Variants in AOX1 observed in about 807,000 individuals in gnomAD.
AOX1 encodes aldehyde oxidase.
In AOX1, 153 loss-of-function variants were observed where a neutral mutation model predicts 169.5. The ratio of observed to expected loss-of-function variants is 0.90; its 90% CI spans 0.79 to 1.03. The LOEUF (loss-of-function observed/expected upper bound fraction) is 1.03, where lower values mean the gene tolerates loss of function less well. AOX1 is among the 50% of genes least tolerant of loss of function. The pLI is 0.00. For synonymous variants in AOX1, 562 were observed against 581.9 expected (o/e 0.97, Z 0.49); for missense variants, 1,656 against 1,663.9 (o/e 1.00, Z 0.08).
Position 200,670,927 on chromosome 2 carries a change from C to A in AOX1, c.*248C>A. The A allele has an allele frequency of 2.5e-6, 1 of 405,788 alleles. No homozygotes were observed. Among genetic ancestry groups the A allele is most frequent in the South Asian group, 7.5e-5 (1 of 13,350 alleles). 25.1% of individuals were successfully genotyped at this position (405,788 alleles called of 1,614,324 possible). A position where few individuals can be genotyped will look rare whatever the true frequency, so the allele number is the denominator to read the frequency against. On this transcript the variant is annotated 3_prime_UTR_variant, in exon 35 of 35. Transcript: ENST00000374700. ...TGGTTTCCTCTAGGGTGATATCCGT[C>A]ATTACTCTGTCTCTTCAATCCATCC...
At chr2:200,682,196 C>T in the AOX1 span, among the ~76,000 whole-genome samples, 1 of 152,130 alleles carries the variant, frequency 6.6e-6, no homozygotes, top group Non-Finnish European at 1.5e-5. Flanking sequence ...ATCTGATAAA[C>T]ACTGCCTGCT....
intron 31 of AOX1, among the ~76,000 whole-genome samples, chr2:200,666,375 T>C (rs2035924605): frequency 6.6e-6 from 1 of 152,230 alleles, no homozygotes; most frequent in East Asian, 1.9e-4. Context: ...TCATATGTTA[T>C]ATCTGTTGTA....
Position 200,670,899 on chromosome 2 carries a change from A to G in AOX1, c.*220A>G, listed in dbSNP as rs1028603950. ...AATCATTTTCAATGTTATAAACACT[A>G]ATTGGTTTCCTCTAGGGTGATATCC... On this transcript the variant is annotated 3_prime_UTR_variant, in exon 35 of 35. Coordinates refer to ENST00000374700, the MANE Select transcript of AOX1 (RefSeq NM_001159.4). 5 of 484,268 alleles carry G rather than the reference A, an allele frequency of 1.0e-5. No homozygotes were observed. The highest frequency in any genetic ancestry group is 1.8e-5 in the Non-Finnish European group (5 of 272,614). 30.0% of individuals were successfully genotyped at this position (484,268 alleles called of 1,614,324 possible).
In AOX1 at chr2:200,660,873, T is replaced by C. The variant is rs139822007; in HGVS notation, c.3376-706T>C. 5.0e-3 allele frequency among the ~76,000 whole-genome samples: 761 copies of C among 152,276 alleles called. 5 individuals are homozygous for C. The highest frequency in any genetic ancestry group is 0.017 in the African/African-American group (718 of 41,548). ...TGGGCATATTTGTTTCTGTCCTCTG[T>C]CCCATGCTGCCTGAGCCCAGAAAGC... On this transcript the variant is annotated intron_variant, in intron 29 of 34. Coordinates refer to ENST00000374700, the MANE Select transcript of AOX1 (RefSeq NM_001159.4).
rs779245099 is a variant in AOX1 at position 200,612,814 on chromosome 2, G to A, written c.1448+21G>A. On this transcript the variant is annotated intron_variant, in intron 14 of 34. Transcript: ENST00000374700. ...GGAAGGTAAGGCATTAGAAGTAAGG[G>A]CTCCTCTAATACTTGTCCTTAGACT... 3.7e-6 allele frequency: 6 copies of A among 1,606,346 alleles called. No homozygotes were observed. In the East Asian group the frequency reaches 8.9e-5, roughly 24 times the overall value.
chr2:200,613,482 T>G (rs1372881603), intron 14 of AOX1, among the ~76,000 whole-genome samples: 3 of 152,232 alleles, frequency 2.0e-5, no homozygotes, highest in African/African-American at 7.2e-5. Context: ...TGGCATGCAA[T>G]AAATGTCCTA....
rs1273029800 is a variant in AOX1, at chr2:200,662,855, A to G, written c.3429A>G (p.Arg1143=). 1.2e-6 allele frequency: 2 copies of G among 1,612,888 alleles called. No homozygotes were observed. Among genetic ancestry groups the G allele is most frequent in the Non-Finnish European group, 1.7e-6 (2 of 1,179,054 alleles). Reference sequence around the variant, plus strand: ...TAACAACACTCACTGTTTCTTCCAGAGGTTATGAGTCAGACATGAACTGGG... The same window carrying G: ...TAACAACACTCACTGTTTCTTCCAGGGGTTATGAGTCAGACATGAACTGGG... ...SINLSAVGYF[R]GYESDMNWEK... Residue 1143 remains arginine, a splice_region_variant and synonymous_variant, in exon 31 of 35, where the codon AGA becomes AGG. Coordinates refer to ENST00000374700, the MANE Select transcript of AOX1 (RefSeq NM_001159.4).
At chr2:200,636,700 T>C (rs1322525717) in intron 21 of AOX1, among the ~76,000 whole-genome samples, 1 of 152,218 alleles carries the variant, frequency 6.6e-6, no homozygotes, top group African/African-American at 2.4e-5. Flanking sequence ...GGGCCAGGGT[T>C]GTTGGACATT....
chr2:200,620,731 G>C lies in AOX1; in HGVS notation c.1786G>C (p.Glu596Gln). ...GTCTGGTGTGAAGCATGCCACGGGG[G>C]AGGCCATCTACTGTGATGACATGCC... ...HLSGVKHATGEAIYCDDMPLV... is the reference protein window; with the variant it reads ...HLSGVKHATGQAIYCDDMPLV... The change falls in exon 17 of 35, where the codon GAG (glutamate) becomes CAG (glutamine). Residue 596 changes from glutamate to glutamine, a missense_variant. Physicochemically the swap from Glu to Gln is conservative, Grantham distance 29. Transcript: ENST00000374700. The C allele has an allele frequency of 6.2e-7, 1 of 1,606,176 alleles. No homozygotes were observed. Among genetic ancestry groups the C allele is most frequent in the South Asian group, 1.1e-5 (1 of 88,596 alleles).
intron 9 of AOX1, 53 bp downstream of exon 9, chr2:200,604,893 G>GT: frequency 3.3e-5 from 22 of 668,426 alleles, no homozygotes; most frequent in East Asian, 8.4e-5. Flanking sequence ...AAGGGCTTGG[G>GT]ATGGGGCCGG....
chr2:200,620,429 G>C (rs1005892414), intron 16 of AOX1, among the ~76,000 whole-genome samples: 3 of 151,650 alleles, frequency 2.0e-5, no homozygotes, highest in Non-Finnish European at 4.4e-5. Context: ...GGCTGGTCTC[G>C]AACTCCTGAC....
rs3038607 is a variant in AOX1 at position 200,605,510 on chromosome 2, AT to A, written c.815-11del. The A allele has an allele frequency of 0.067, 79,610 of 1,196,728 alleles. 451 individuals carry two copies. Among genetic ancestry groups the A allele is most frequent in the South Asian group, 0.12 (6,948 of 56,512 alleles). The allele number at this position is 1,196,728 out of a possible 1,614,324, so 74.1% of individuals were successfully genotyped here. A position where few individuals can be genotyped will look rare whatever the true frequency, so the allele number is the denominator to read the frequency against. On this transcript the variant is annotated intron_variant, in intron 9 of 34. Transcript: ENST00000374700. ...TAGTTCCTTTATTCTAGTCTTATTG[AT>A]TTTTTTTTTTTTTTGATCCTTTAGG...
At chr2:200,656,352 A>C (rs995311500) in intron 26 of AOX1, among the ~76,000 whole-genome samples, 1 of 152,226 alleles carries the variant, frequency 6.6e-6, no homozygotes, top group South Asian at 2.1e-4. Flanking sequence ...GTTTCTGATT[A>C]TAAGAGTCTT....
chr2:200,651,647 G>A (rs1265186918), intron 26 of AOX1, among the ~76,000 whole-genome samples: 1 of 152,180 alleles, frequency 6.6e-6, no homozygotes, highest in African/African-American at 2.4e-5. Flanking sequence ...CTCCTTCTGG[G>A]TGGGTTGGAA....
chr2:200,678,330 C>T (rs539994620), downstream of AOX1: 1 of 152,300 alleles, frequency 6.6e-6, no homozygotes, highest in South Asian at 2.1e-4. Flanking sequence ...ACTGTGAATG[C>T]AAGAATTTTA....
intron 20 of AOX1, among the ~76,000 whole-genome samples, chr2:200,632,326 A>T (rs944698833): frequency 6.6e-6 from 1 of 150,870 alleles, no homozygotes; most frequent in South Asian, 2.1e-4. Flanking sequence ...TATATAAAAT[A>T]AAATTTATAT....
At chr2:200,612,851 A>G in intron 14 of AOX1, 58 bp downstream of exon 14, 2 of 1,420,640 alleles carry the variant, frequency 1.4e-6, no homozygotes, top group African/African-American at 1.4e-5. Flanking sequence ...CAAGTATTAG[A>G]GGAGCCCTTT....
chr2:200,632,009 A>G (rs2035138158), intron 20 of AOX1, among the ~76,000 whole-genome samples: 1 of 152,156 alleles, frequency 6.6e-6, no homozygotes, highest in Non-Finnish European at 1.5e-5. Context: ...TAGGAAGTCC[A>G]GATTGCAATT....
intron 25 of AOX1, among the ~76,000 whole-genome samples, chr2:200,645,001 T>G (rs1020473009): frequency 6.6e-6 from 1 of 152,148 alleles, no homozygotes; most frequent in African/African-American, 2.4e-5. Context: ...ACAGTGACGG[T>G]TTGACTTCTC....
Sources: gnomAD v4.1 joint callset for allele counts (sites outside exome capture counted in the v4.1 genomes callset) on GRCh38, gnomAD v4.1.1 for gene constraint, MANE v1.5 for transcripts, NCBI Gene and HGNC (gene_info 2026-07-23, HGNC 2026-07-21) for gene names.